Variants in CSMD1 observed in about 807,000 individuals in gnomAD.
The protein encoded by CSMD1 is CUB and sushi domain-containing protein 1.
A neutral mutation model predicts 417.5 loss-of-function variants in CSMD1; 213 were observed. That is an observed-to-expected ratio of 0.51 (90% confidence interval 0.46 to 0.57). CSMD1 has a LOEUF of 0.57. Among genes scored for constraint, CSMD1 ranks in the 20% least tolerant of loss-of-function variants. The pLI, the probability that CSMD1 is intolerant of heterozygous loss-of-function variation, is 0.00. For synonymous variants in CSMD1, 2,862 were observed against 1,736.8 expected (o/e 1.65, Z -16.11); for missense variants, 6,923 against 4,529.7 (o/e 1.53, Z -15.17).
chr8:2,961,504 G>T (rs747743564), intron 61 of CSMD1, among the ~76,000 whole-genome samples: 5 of 151,020 alleles, frequency 3.3e-5, no homozygotes, highest in African/African-American at 1.2e-4. Flanking sequence ...AAATATATTT[G>T]GTCAATGATA....
At chr8:3,000,939 T>G (rs1405015776) in intron 52 of CSMD1, among the ~76,000 whole-genome samples, 1 of 151,942 alleles carries the variant, frequency 6.6e-6, no homozygotes, top group Non-Finnish European at 1.5e-5. Flanking sequence ...AGCTTCCACA[T>G]GGAGACAGAC....
At chr8:4,095,177 G>C (rs1285327160) in intron 3 of CSMD1, among the ~76,000 whole-genome samples, 1 of 152,186 alleles carries the variant, frequency 6.6e-6, no homozygotes, top group African/African-American at 2.4e-5. Context: ...GGGACGGATA[G>C]CCACAGCGAA....
intron 5 of CSMD1, among the ~76,000 whole-genome samples, chr8:3,899,271 C>T (rs759713490): frequency 6.6e-6 from 1 of 152,126 alleles, no homozygotes; most frequent in Non-Finnish European, 1.5e-5. Flanking sequence ...AAGGAGCTCC[C>T]CGCCCTGCTA....
intron 7 of CSMD1, among the ~76,000 whole-genome samples, chr8:3,695,203 G>A (rs781642449): frequency 8.6e-5 from 13 of 151,762 alleles, no homozygotes; most frequent in Non-Finnish European, 1.6e-4. Context: ...CTGAAAACCA[G>A]GTTTATCTTA....
In CSMD1 at chr8:4,705,028, T is replaced by C. The variant is rs149999052; in HGVS notation, c.86-67470A>G. Among the ~76,000 whole-genome samples the C allele has an allele frequency of 6.4e-3, 970 of 152,320 alleles. 5 individuals carry two copies. Among genetic ancestry groups the C allele is most frequent in the Non-Finnish European group, 0.01 (682 of 68,022 alleles). On this transcript the variant is annotated intron_variant, in intron 1 of 69. Coordinates refer to ENST00000635120, the MANE Select transcript of CSMD1 (RefSeq NM_033225.6). ...TCCTGTAATTTTGGATCATGGTAGT[T>C]ATTTTTCCCATGCTGTTCTCATGCT...
At position 3,256,323 on chromosome 8, in the gene CSMD1, A is replaced by AAAAGAG. The variant is rs1554487841; in HGVS notation, c.4154-26093_4154-26092insCTCTTT. On this transcript the variant is annotated intron_variant, in intron 26 of 69. Coordinates refer to ENST00000635120, the MANE Select transcript of CSMD1 (RefSeq NM_033225.6). ...CTAAGTCTCAAGAAAAAAAAAAAAA[A>AAAAGAG]AAGAGAAGAAAGGAAGGAAAGAAAG... Among the ~76,000 whole-genome samples, 1,105 of 138,046 alleles carry AAAAGAG rather than the reference A, an allele frequency of 8.0e-3. 14 individuals carry two copies. Among genetic ancestry groups the AAAAGAG allele is most frequent in the Middle Eastern group, 0.011 (3 of 268 alleles). 90.6% of individuals were successfully genotyped at this position (138,046 alleles called of 152,430 possible).
chr8:4,829,336 C>G (rs1336824943), intron 1 of CSMD1, among the ~76,000 whole-genome samples: 1 of 152,090 alleles, frequency 6.6e-6, no homozygotes, highest in Non-Finnish European at 1.5e-5. Flanking sequence ...TTCATTTAAC[C>G]TACATTACGT....
At chr8:4,156,186 G>C (rs561247748) in intron 3 of CSMD1, among the ~76,000 whole-genome samples, 12 of 152,146 alleles carry the variant, frequency 7.9e-5, no homozygotes, top group Admixed American at 2.0e-4. Context: ...TGGGAACAAG[G>C]TTTCATATCT....
chr8:3,809,322 G>A (rs900090), intron 5 of CSMD1, among the ~76,000 whole-genome samples: 13,567 of 152,078 alleles, frequency 0.089, 1,333 homozygotes, highest in African/African-American at 0.24. Flanking sequence ...TCTTGTTCAC[G>A]ATTTTTATCG....
chr8:4,309,862 C>G (rs1002419526), intron 3 of CSMD1, among the ~76,000 whole-genome samples: 3 of 152,272 alleles, frequency 2.0e-5, no homozygotes, highest in East Asian at 1.9e-4. Context: ...TCTGCAGACA[C>G]TGAGCATCAC....
At chr8:4,134,858 A>C (rs988243260) in intron 3 of CSMD1, among the ~76,000 whole-genome samples, 12 of 152,142 alleles carry the variant, frequency 7.9e-5, no homozygotes, top group African/African-American at 2.9e-4. Context: ...ATAGCTTCCA[A>C]TTGCTCCTAG....
chr8:4,798,120 A>C (rs903166548), intron 1 of CSMD1, among the ~76,000 whole-genome samples: 1 of 152,186 alleles, frequency 6.6e-6, no homozygotes, highest in Admixed American at 6.5e-5. Flanking sequence ...CCAATAACTC[A>C]TCATTTACAT....
intron 23 of CSMD1, among the ~76,000 whole-genome samples, chr8:3,324,398 C>G (rs964580575): frequency 6.6e-6 from 1 of 150,448 alleles, no homozygotes; most frequent in African/African-American, 2.5e-5. Context: ...CTTCCCCCTA[C>G]CTTTGGTCAC....
Position 4,031,357 on chromosome 8 carries a change from A to G in CSMD1, c.610+548T>C, listed in dbSNP as rs149491048. ...CATAGCAGAAGGCAAGGAGGAGCAC[A>G]TCACGTCTTACATGCATGGCAGCAG... On this transcript the variant is annotated intron_variant, in intron 4 of 69. Transcript: ENST00000635120. Among the ~76,000 whole-genome samples, 639 of 152,338 alleles carry G rather than the reference A, an allele frequency of 4.2e-3. 4 individuals are homozygous for G. The highest frequency in any genetic ancestry group is 0.015 in the African/African-American group (606 of 41,572).
chr8:4,097,948 G>C (rs1055583303), intron 3 of CSMD1, among the ~76,000 whole-genome samples: 4 of 152,272 alleles, frequency 2.6e-5, no homozygotes, highest in Non-Finnish European at 4.4e-5. Flanking sequence ...ATTTCTGTTT[G>C]ATCATGGTAT....
At chr8:4,438,617 T>C (rs1360685209) in intron 2 of CSMD1, among the ~76,000 whole-genome samples, 1 of 152,176 alleles carries the variant, frequency 6.6e-6, no homozygotes, top group African/African-American at 2.4e-5. Flanking sequence ...GCTCCTATTA[T>C]TTTATACCTA....
intron 5 of CSMD1, among the ~76,000 whole-genome samples, chr8:3,953,829 T>G (rs1374666068): frequency 6.6e-6 from 1 of 152,046 alleles, no homozygotes; most frequent in Non-Finnish European, 1.5e-5. Context: ...TCATTTTCCC[T>G]GCAGTTCCTA....
At chr8:3,101,739 A>G (rs1440733266) in intron 46 of CSMD1, among the ~76,000 whole-genome samples, 2 of 151,778 alleles carry the variant, frequency 1.3e-5, no homozygotes, top group Non-Finnish European at 2.9e-5. Context: ...CTGACTTTCA[A>G]AGAACAATGC....
rs1180073242 is a variant in CSMD1, at chr8:4,265,806, C to G, written c.415+154147G>C. Among the ~76,000 whole-genome samples, 2 of 104,862 alleles carry G rather than the reference C, an allele frequency of 1.9e-5. 1 individual carries two copies. Among genetic ancestry groups the G allele is most frequent in the Non-Finnish European group, 5.1e-5 (2 of 39,032 alleles). The allele number at this position is 104,862 out of a possible 152,430, so 68.8% of individuals were successfully genotyped here. A position where few individuals can be genotyped will look rare whatever the true frequency, so the allele number is the denominator to read the frequency against. Reference sequence around the variant, plus strand: ...AATGTGATGTTGACTTTTATAAACTCTCACCATTTACCTATCAACTTGGTT... The same window carrying G: ...AATGTGATGTTGACTTTTATAAACTGTCACCATTTACCTATCAACTTGGTT... On this transcript the variant is annotated intron_variant, in intron 3 of 69. Transcript: ENST00000635120.
Sources: gnomAD v4.1 joint callset for allele counts (sites outside exome capture counted in the v4.1 genomes callset) on GRCh38, gnomAD v4.1.1 for gene constraint, MANE v1.5 for transcripts, NCBI Gene and HGNC (gene_info 2026-07-23, HGNC 2026-07-21) for gene names.